MYO15B: variants seen among roughly 807,000 people sequenced by gnomAD.
MYO15B encodes myosin XVB.
In MYO15B, 207 loss-of-function variants were observed where a neutral mutation model predicts 119.3. The ratio of observed to expected loss-of-function variants is 1.73; its 90% CI spans 1.55 to 1.95. The LOEUF (loss-of-function observed/expected upper bound fraction) is 1.95. Among genes scored for constraint, MYO15B ranks in the 30% most tolerant of loss-of-function variants. The pLI, the probability that MYO15B is intolerant of heterozygous loss-of-function variation, is 0.00. For missense variants in MYO15B, 2,264 were observed against 1,203.1 expected (o/e 1.88, Z -13.04); for synonymous variants, 966 against 498.9 (o/e 1.94, Z -12.48).
intron 52 of MYO15B, 66 bp downstream of exon 52, chr17:75,621,636 C>T: frequency 1.5e-6 from 1 of 678,744 alleles, no homozygotes; most frequent in East Asian, 2.7e-5. Flanking sequence ...GTCTGGTCCC[C>T]TTATCTCCTT....
chr17:75,590,149 C>T, exon 1 of MYO15B: 1 of 399,068 alleles, frequency 2.5e-6, no homozygotes, highest in East Asian at 3.6e-5. Flanking sequence ...GGAGCTGAGC[C>T]TCCGGCCGGG....
chr17:75,622,432 G>A (rs1475168416), intron 53 of MYO15B, among the ~76,000 whole-genome samples: 2 of 152,134 alleles, frequency 1.3e-5, no homozygotes, highest in African/African-American at 2.4e-5. Context: ...GGGAAGCCTC[G>A]GCACCATCAC....
At chr17:75,601,211 A>T (rs939929335) in intron 14 of MYO15B, among the ~76,000 whole-genome samples, 1 of 151,802 alleles carries the variant, frequency 6.6e-6, no homozygotes. Flanking sequence ...CCCAATTTTT[A>T]AATTTTTTGT....
chr17:75,611,378 G>A (rs988041441), intron 23 of MYO15B, among the ~76,000 whole-genome samples: 2 of 150,958 alleles, frequency 1.3e-5, no homozygotes, highest in East Asian at 2.0e-4. Context: ...TGGGAGGATC[G>A]CTTGAGCTAG....
In MYO15B at chr17:75,624,643, A is replaced by G; in HGVS notation, c.8542+4A>G. The G allele has an allele frequency of 1.4e-6, 1 of 702,910 alleles. No homozygotes were observed. The highest frequency in any genetic ancestry group is 1.5e-5 in the South Asian group (1 of 67,590). The allele number at this position is 702,910 out of a possible 1,614,324, so 43.5% of individuals were successfully genotyped here. On this transcript the variant is annotated splice_donor_region_variant and intron_variant, in intron 58 of 63. Coordinates refer to ENST00000645453, the Ensembl canonical transcript of MYO15B. ...CTCTTCCTCATCAAAGAGAAGAGTAAGCTTGGGGACGGAGCCTCACGGTGG... is the reference window on the plus strand; with the variant it reads ...CTCTTCCTCATCAAAGAGAAGAGTAGGCTTGGGGACGGAGCCTCACGGTGG...
At chr17:75,605,266 TCTCTA>T (rs1241484061) in intron 19 of MYO15B, among the ~76,000 whole-genome samples, 1 of 151,624 alleles carries the variant, frequency 6.6e-6, no homozygotes, top group Non-Finnish European at 1.5e-5. Context: ...TGAAACCCTG[TCTCTA>T]CTAAAAATAC....
At chr17:75,622,979 C>T (rs1313091773) in intron 53 of MYO15B, among the ~76,000 whole-genome samples, 1 of 152,136 alleles carries the variant, frequency 6.6e-6, no homozygotes, top group African/African-American at 2.4e-5. Context: ...GGTTCAAGGG[C>T]ACAGCACCGC....
intron 14 of MYO15B, among the ~76,000 whole-genome samples, chr17:75,600,188 G>A (rs1302351278): frequency 1.3e-5 from 2 of 151,222 alleles, no homozygotes; most frequent in Non-Finnish European, 1.5e-5. Flanking sequence ...CACCATGCCC[G>A]GCTAATTTTT....
chr17:75,610,696 G>A (rs2057969763), intron 22 of MYO15B: 1 of 576,738 alleles, frequency 1.7e-6, no homozygotes, highest in Admixed American at 3.0e-5. Flanking sequence ...CCGGTGCCCT[G>A]GCAGATGGGC....
At chr17:75,603,156 C>T in intron 18 of MYO15B, 32 bp from the exon 19 acceptor site, 3 of 703,190 alleles carry the variant, frequency 4.3e-6, no homozygotes, top group Non-Finnish European at 7.8e-6. Context: ...CCCTTGACTC[C>T]AGCTGTCTTT....
At chr17:75,610,840 G>A in intron 22 of MYO15B, 60 bp from the exon 23 acceptor site, 1 of 702,440 alleles carries the variant, frequency 1.4e-6, no homozygotes, top group South Asian at 1.5e-5. Flanking sequence ...CAGAGCTGGG[G>A]AGGTGCCCCC....
At chr17:75,602,994 C>T (rs1386854585) in intron 17 of MYO15B, 38 bp from the exon 18 acceptor site, 1 of 702,544 alleles carries the variant, frequency 1.4e-6, no homozygotes, top group Non-Finnish European at 2.6e-6. Context: ...GTATGGGGCT[C>T]CAGTCTGTGC....
chr17:75,610,709 A>C, intron 22 of MYO15B, 191 bp from the exon 23 acceptor site: 1 of 584,246 alleles, frequency 1.7e-6, no homozygotes, highest in Non-Finnish European at 3.1e-6. Flanking sequence ...AGATGGGCAC[A>C]GACGCCCACA....
exon 23 of MYO15B, chr17:75,610,907 G>A (rs559390057): frequency 1.6e-4 from 116 of 703,098 alleles, no homozygotes; most frequent in African/African-American, 1.4e-3. Flanking sequence ...CAGCTTGGGC[G>A]TTGGCAGGGC....
intron 9 of MYO15B, among the ~76,000 whole-genome samples, chr17:75,593,205 A>G (rs1443082676): frequency 6.7e-6 from 1 of 149,756 alleles, no homozygotes; most frequent in African/African-American, 2.5e-5. Context: ...ATTAAAAAAA[A>G]AAAAAAAAAA....
chr17:75,596,225 C>T (rs2147777117), intron 12 of MYO15B, among the ~76,000 whole-genome samples: 1 of 152,338 alleles, frequency 6.6e-6, no homozygotes, highest in Non-Finnish European at 1.5e-5. Flanking sequence ...GGCCCAAAGG[C>T]TCGCAGGAGT....
Position 75,620,266 on chromosome 17 carries a change from C to CCTGCGCAGCTAAAT in MYO15B, c.7475_7476insAATCTGCGCAGCTA (p.Tyr2492Ter). Reference sequence around the variant, plus strand: ...CACAGGACTCCGGCTATGTCATCGCCCTGCGCAGCTACATCACTGACAACT... The same window carrying CCTGCGCAGCTAAAT: ...CACAGGACTCCGGCTATGTCATCGCCCTGCGCAGCTAAATCTGCGCAGCTACATCACTGACAACT... On this transcript the variant is annotated stop_gained and frameshift_variant, in exon 48 of 64. Transcript: ENST00000645453. LOFTEE classifies it high-confidence loss of function. 1 of 702,966 alleles carries CCTGCGCAGCTAAAT rather than the reference C, an allele frequency of 1.4e-6. No homozygotes were observed. Among genetic ancestry groups the CCTGCGCAGCTAAAT allele is most frequent in the Non-Finnish European group, 2.6e-6 (1 of 385,026 alleles). The allele number at this position is 702,966 out of a possible 1,614,324, so 43.5% of individuals were successfully genotyped here.
chr17:75,615,607 G>A lies in MYO15B; in HGVS notation c.5838+7G>A, dbSNP rs1044817388. 8 of 693,120 alleles carry A rather than the reference G, an allele frequency of 1.2e-5. No homozygotes were observed. In the Middle Eastern group the frequency reaches 7.0e-4, roughly 61 times the overall value. The allele number at this position is 693,120 out of a possible 1,614,324, so 42.9% of individuals were successfully genotyped here. A position where few individuals can be genotyped will look rare whatever the true frequency, so the allele number is the denominator to read the frequency against. On this transcript the variant is annotated splice_region_variant and intron_variant, in intron 35 of 63. Coordinates refer to ENST00000645453, the Ensembl canonical transcript of MYO15B. ...GCAGCAGGCGCTAATCCTGGTGAGC[G>A]CTGGCAGGGCCCTGGGGCCACCTGG...
intron 21 of MYO15B, among the ~76,000 whole-genome samples, chr17:75,606,227 C>T (rs1012103701): frequency 2.0e-5 from 3 of 152,160 alleles, no homozygotes; most frequent in Non-Finnish European, 4.4e-5. Context: ...CCACAAGAAA[C>T]TCATTACCTA....
Sources: allele counts gnomAD v4.1 joint callset (sites outside exome capture counted in the v4.1 genomes callset), GRCh38; gene constraint gnomAD v4.1.1; transcripts MANE v1.5; gene names NCBI Gene and HGNC (gene_info 2026-07-23, HGNC 2026-07-21).